The following ALG5 variants were observed in gnomAD, a reference collection of about 807,000 sequenced individuals.
ALG5 encodes the protein ALG5 dolichyl-phosphate beta-glucosyltransferase, also known as dolichyl-phosphate beta-glucosyltransferase.
In ALG5, 26 loss-of-function variants were observed where a neutral mutation model predicts 51.8. That is an observed-to-expected ratio of 0.50 (90% CI 0.37 to 0.70). ALG5 has a LOEUF of 0.70. Ranked by LOEUF, ALG5 falls within the 30% of genes least tolerant of loss-of-function variation. The pLI is 0.00. For synonymous variants in ALG5, 141 were observed against 136.1 expected (o/e 1.04, Z -0.25); for missense variants, 311 against 399.3 (o/e 0.78, Z 1.88).
chr13:36,971,590 A>C (rs1047192519), intron 7 of ALG5, among the ~76,000 whole-genome samples: 5 of 134,822 alleles, frequency 3.7e-5, no homozygotes, highest in African/African-American at 1.4e-4. Context: ...GAGGTTGCCC[A>C]GTGAGCCAAG....
chr13:36,955,299 G>A (rs2058834573), intron 8 of ALG5, among the ~76,000 whole-genome samples: 1 of 152,170 alleles, frequency 6.6e-6, no homozygotes, highest in Admixed American at 6.5e-5. Flanking sequence ...CATGGACACA[G>A]CTTCTACTGA....
chr13:36,953,739 T>C (rs1481783962), intron 8 of ALG5, among the ~76,000 whole-genome samples: 1 of 152,212 alleles, frequency 6.6e-6, no homozygotes, highest in Non-Finnish European at 1.5e-5. Flanking sequence ...ATCCATTAGG[T>C]AAATAGTTTA....
At chr13:36,970,802 T>C (rs1274189819) in intron 7 of ALG5, among the ~76,000 whole-genome samples, 1 of 151,316 alleles carries the variant, frequency 6.6e-6, no homozygotes, top group Non-Finnish European at 1.5e-5. Flanking sequence ...TCTCAGCTTC[T>C]TGGGAGACTG....
At chr13:36,956,216 T>C (rs1204521611) in intron 8 of ALG5, among the ~76,000 whole-genome samples, 1 of 152,118 alleles carries the variant, frequency 6.6e-6, no homozygotes, top group Admixed American at 6.5e-5. Context: ...TCTCAAAAGA[T>C]GACATACAGA....
chr13:36,971,925 A>G, intron 7 of ALG5, 52 bp downstream of exon 7: 4 of 1,416,546 alleles, frequency 2.8e-6, no homozygotes, highest in South Asian at 1.3e-5. Flanking sequence ...ATATAAAAAA[A>G]GAAATAAAAG....
intron 1 of ALG5, among the ~76,000 whole-genome samples, chr13:36,997,364 T>G (rs1251093899): frequency 1.4e-5 from 2 of 146,962 alleles, no homozygotes; most frequent in African/African-American, 2.5e-5. Flanking sequence ...TCCCAGCTAC[T>G]CAGGAGGCTG....
intron 6 of ALG5, among the ~76,000 whole-genome samples, chr13:36,980,358 C>T (rs1472859435): frequency 1.3e-5 from 2 of 152,058 alleles, no homozygotes; most frequent in Non-Finnish European, 2.9e-5. Context: ...CCTCAGCTTC[C>T]CGAGTAGCTG....
chr13:36,980,043 T>C (rs1195159203), intron 6 of ALG5, among the ~76,000 whole-genome samples: 1 of 152,090 alleles, frequency 6.6e-6, no homozygotes, highest in Non-Finnish European at 1.5e-5. Flanking sequence ...TGAGACCTTG[T>C]CTCAAAAAAT....
rs577586055 is a variant in ALG5 at position 36,972,789 on chromosome 13, G to T, written c.562-753C>A. On this transcript the variant is annotated intron_variant, in intron 6 of 9. Coordinates refer to ENST00000239891, the MANE Select transcript of ALG5 (RefSeq NM_013338.5). ...GGGCAGATCACGAGGTCAGGAGATC[G>T]AGATCATCCTGGCTAACACAGCGAA... 2.0e-4 allele frequency among the ~76,000 whole-genome samples: 31 copies of T among 152,096 alleles called. No individual in the cohort carries two copies. The East Asian group carries it at 3.1e-3, about 15-fold the overall frequency.
intron 4 of ALG5, among the ~76,000 whole-genome samples, chr13:36,990,372 C>T (rs1026280693): frequency 3.9e-5 from 6 of 152,200 alleles, no homozygotes; most frequent in Admixed American, 3.9e-4. Context: ...TCTCTACAGG[C>T]AGCTGTAAAG....
intron 2 of ALG5, 35 bp from the exon 3 acceptor site, chr13:36,995,070 A>T (rs1426068592): frequency 1.3e-6 from 2 of 1,586,686 alleles, no homozygotes; most frequent in Non-Finnish European, 1.7e-6. Context: ...ATCACTTTTG[A>T]AAATGATTTT....
At chr13:36,972,129 A>AGAATATCTCAT in intron 6 of ALG5, 93 bp from the exon 7 acceptor site, 1 of 1,069,538 alleles carries the variant, frequency 9.3e-7, no homozygotes. Flanking sequence ...TTAGAAACTG[A>AGAATATCTCAT]TTTTAAAAAA....
chr13:36,971,980 A>C lies in ALG5; in HGVS notation c.618T>G (p.Ala206=). The change falls in exon 7 of 10, where the codon GCT becomes GCG. Residue 206 remains alanine (A), a synonymous_variant. Transcript: ENST00000239891. ...SRAHLEKESI[A]QRSYFRTLLM... is the part of the protein sequence containing the mutation. ...ATGCCAATTAATGAAGTCTCACCTG[A>C]GCAATTGATTCTTTTTCTAAATGAG... is the stretch of plus-strand genomic sequence containing the variant. 6.2e-7 allele frequency: 1 copy of C among 1,604,718 alleles called. No individual in the cohort carries two copies. Among genetic ancestry groups the C allele is most frequent in the Non-Finnish European group, 8.5e-7 (1 of 1,174,876 alleles).
chr13:36,991,184 C>T (rs1183478627), intron 4 of ALG5, among the ~76,000 whole-genome samples: 1 of 152,158 alleles, frequency 6.6e-6, no homozygotes, highest in African/African-American at 2.4e-5. Flanking sequence ...CACTTGTATG[C>T]CTTTTCTCAG....
intron 6 of ALG5, among the ~76,000 whole-genome samples, chr13:36,975,069 G>A (rs1466414024): frequency 6.6e-6 from 1 of 152,118 alleles, no homozygotes; most frequent in Non-Finnish European, 1.5e-5. Context: ...AAATTAGCTG[G>A]GCGTGGTGGC....
chr13:36,960,799 G>A (rs2058862882), intron 8 of ALG5, among the ~76,000 whole-genome samples: 1 of 151,386 alleles, frequency 6.6e-6, no homozygotes, highest in Non-Finnish European at 1.5e-5. Flanking sequence ...CCACCACCAT[G>A]CCCAGTTAAT....
In ALG5 at chr13:36,965,641, C is replaced by A; in HGVS notation, c.707G>T (p.Cys236Phe). ...TTCTCGAGTAAATAATTTGAACCCA[C>A]ACTGTGTGTCCCTGATTCCTTTGAC... is the stretch of plus-strand genomic sequence containing the variant. ...LCVKGIRDTQ[C>F]GFKLFTREAA... Residue 236 changes from cysteine to phenylalanine, a missense_variant, in exon 8 of 10, where the codon TGT becomes TTT. By Grantham distance (205) the Cys-to-Phe change is radical. Coordinates refer to ENST00000239891, the MANE Select transcript of ALG5 (RefSeq NM_013338.5). 6.2e-7 allele frequency: 1 copy of A among 1,614,062 alleles called. No individual in the cohort carries two copies.
chr13:36,959,071 T>C (rs1477155156), intron 8 of ALG5, among the ~76,000 whole-genome samples: 5 of 152,202 alleles, frequency 3.3e-5, no homozygotes, highest in Non-Finnish European at 7.3e-5. Context: ...TGGAGAATAT[T>C]ATGCTAAGTT....
At chr13:36,950,102 C>A (rs1360279583) in intron 9 of ALG5, 45 bp from the exon 10 acceptor site, 1 of 1,236,070 alleles carries the variant, frequency 8.1e-7, no homozygotes, top group Admixed American at 1.9e-5. Flanking sequence ...TAAATAAACT[C>A]AGCAGAAAAC....
Sources: allele counts gnomAD v4.1 joint callset (sites outside exome capture counted in the v4.1 genomes callset), GRCh38; gene constraint gnomAD v4.1.1; transcripts MANE v1.5; gene names NCBI Gene and HGNC (gene_info 2026-07-23, HGNC 2026-07-21).